The following SEMA6D variants were observed in gnomAD, a reference collection of about 807,000 sequenced individuals.
The protein encoded by SEMA6D is semaphorin 6D, also known as semaphorin-6D.
SEMA6D carries 35 observed loss-of-function variants against 106.6 expected under a neutral mutation model. The observed-to-expected ratio is 0.33, with a 90% CI of 0.25 to 0.44. SEMA6D has a LOEUF of 0.44. Among genes scored for constraint, SEMA6D ranks in the 20% least tolerant of loss-of-function variants. The pLI, the probability that SEMA6D is intolerant of heterozygous loss-of-function variation, is 1.00. For synonymous variants in SEMA6D, 499 were observed against 487.7 expected (o/e 1.02, Z -0.31); for missense variants, 1,185 against 1,345.9 (o/e 0.88, Z 1.87).
intron 1 of SEMA6D, among the ~76,000 whole-genome samples, chr15:47,276,731 A>C (rs950286103): frequency 6.6e-6 from 1 of 152,188 alleles, no homozygotes; most frequent in Non-Finnish European, 1.5e-5. Flanking sequence ...CTAACAAAAC[A>C]TTCATTCTGT....
chr15:47,321,229 G>A (rs1004083323), intron 1 of SEMA6D, among the ~76,000 whole-genome samples: 25 of 152,260 alleles, frequency 1.6e-4, no homozygotes, highest in Admixed American at 6.5e-4. Flanking sequence ...AGGGATTCCC[G>A]TCTGTGTGGT....
intron 1 of SEMA6D, among the ~76,000 whole-genome samples, chr15:47,719,163 G>T (rs1025974690): frequency 6.6e-6 from 1 of 151,916 alleles, no homozygotes; most frequent in South Asian, 2.1e-4. Context: ...GGGGGTGGGG[G>T]TGTGGAGGGG....
chr15:47,746,980 G>GTATATATA (rs752559574), intron 1 of SEMA6D, among the ~76,000 whole-genome samples: 9,282 of 116,262 alleles, frequency 0.08, 420 homozygotes, highest in Middle Eastern at 0.13. Context: ...CTGTGTGTGT[G>GTATATATA]TGTGTATATA....
chr15:47,562,046 T>C (rs2142708848), intron 3 of SEMA6D, among the ~76,000 whole-genome samples: 1 of 152,118 alleles, frequency 6.6e-6, no homozygotes, highest in East Asian at 1.9e-4. Context: ...GGTATATTAT[T>C]AATGTAAAGC....
At chr15:47,422,969 G>C (rs1849855818) in intron 2 of SEMA6D, among the ~76,000 whole-genome samples, 2 of 151,988 alleles carry the variant, frequency 1.3e-5, no homozygotes, top group South Asian at 4.1e-4. Flanking sequence ...AAAGGAAATT[G>C]GTAAGAGTGA....
intron 1 of SEMA6D, among the ~76,000 whole-genome samples, chr15:47,242,557 A>G (rs2032975509): frequency 6.6e-6 from 1 of 152,184 alleles, no homozygotes; most frequent in African/African-American, 2.4e-5. Flanking sequence ...GCATATGCAT[A>G]TGTATGAAAA....
intron 4 of SEMA6D, among the ~76,000 whole-genome samples, chr15:47,687,938 G>A (rs2078503938): frequency 6.6e-6 from 1 of 152,152 alleles, no homozygotes; most frequent in East Asian, 1.9e-4. Flanking sequence ...TTTAGGACAT[G>A]TAGAATTTTG....
At chr15:47,556,574 T>G (rs1758862561) in intron 3 of SEMA6D, among the ~76,000 whole-genome samples, 1 of 152,176 alleles carries the variant, frequency 6.6e-6, no homozygotes, top group Non-Finnish European at 1.5e-5. Flanking sequence ...TTCTATTTTT[T>G]TATTGTCCTG....
rs368648026 is a variant in SEMA6D at position 47,759,772 on chromosome 15, G to A, written c.-27G>A. 7.7e-5 allele frequency: 120 copies of A among 1,558,214 alleles called. No homozygotes were observed. Among genetic ancestry groups the A allele is most frequent in the African/African-American group, 7.6e-4 (56 of 73,768 alleles). On this transcript the variant is annotated 5_prime_UTR_variant, in exon 2 of 19. Coordinates refer to ENST00000536845, the MANE Select transcript of SEMA6D (RefSeq NM_001358351.3). The stretch of plus-strand genomic sequence containing the variant: ...AGCTCAGTGGCATTTCTGAGCAGGG[G>A]CCACCCTGACTTCACCTTGGCCCAC...
intron 4 of SEMA6D, among the ~76,000 whole-genome samples, chr15:47,692,323 A>C (rs904879698): frequency 3.3e-5 from 5 of 152,082 alleles, no homozygotes; most frequent in African/African-American, 4.8e-5. Context: ...TATTCCACAG[A>C]GGTTTCCTTC....
chr15:47,651,858 T>G (rs1165062468), intron 4 of SEMA6D, among the ~76,000 whole-genome samples: 2 of 152,212 alleles, frequency 1.3e-5, no homozygotes, highest in Non-Finnish European at 2.9e-5. Flanking sequence ...ACCTGTGTGA[T>G]CCTTCCTTCA....
At chr15:47,553,472 G>T (rs1455910069) in intron 3 of SEMA6D, among the ~76,000 whole-genome samples, 6 of 152,002 alleles carry the variant, frequency 3.9e-5, no homozygotes, top group Non-Finnish European at 8.8e-5. Context: ...TTTTCCTTTT[G>T]GCTGGCATAT....
At chr15:47,245,744 CT>C (rs1314007516) in intron 1 of SEMA6D, among the ~76,000 whole-genome samples, 5 of 152,024 alleles carry the variant, frequency 3.3e-5, no homozygotes, top group Non-Finnish European at 7.4e-5. Context: ...AATTTTGATC[CT>C]CTTGTTTTCA....
intron 3 of SEMA6D, among the ~76,000 whole-genome samples, chr15:47,529,965 A>G (rs1480140378): frequency 6.6e-6 from 1 of 152,176 alleles, no homozygotes; most frequent in Non-Finnish European, 1.5e-5. Context: ...CGCAGTCTGA[A>G]ATGCAGCTCC....
At chr15:47,347,570 G>A (rs2038098610) in intron 1 of SEMA6D, among the ~76,000 whole-genome samples, 1 of 140,480 alleles carries the variant, frequency 7.1e-6, no homozygotes, top group Non-Finnish European at 1.5e-5. Flanking sequence ...CAAAGTAATA[G>A]TGCTTTATTC....
intron 4 of SEMA6D, among the ~76,000 whole-genome samples, chr15:47,643,214 G>A (rs553215546): frequency 1.3e-5 from 2 of 152,354 alleles, no homozygotes; most frequent in African/African-American, 4.8e-5. Flanking sequence ...CATGCAGTAA[G>A]TGCAGAGGAC....
chr15:47,284,668 G>T (rs1390313351), intron 1 of SEMA6D, among the ~76,000 whole-genome samples: 2 of 152,142 alleles, frequency 1.3e-5, no homozygotes, highest in Admixed American at 1.3e-4. Context: ...TGTCTGCCAT[G>T]GCATTCTATT....
chr15:47,368,628 G>A (rs918018995), intron 1 of SEMA6D, among the ~76,000 whole-genome samples: 3 of 152,068 alleles, frequency 2.0e-5, no homozygotes, highest in African/African-American at 4.8e-5. Context: ...CCGCCACTAC[G>A]CCCGAAATTA....
At chr15:47,304,192 G>A (rs11636879) in intron 1 of SEMA6D, among the ~76,000 whole-genome samples, 63,547 of 151,894 alleles carry the variant, frequency 0.42, 16,242 homozygotes, top group Non-Finnish European at 0.56. Flanking sequence ...GCCGGGCACA[G>A]TGGCTCACAC....
Sources: gnomAD v4.1 joint callset for allele counts (sites outside exome capture counted in the v4.1 genomes callset) on GRCh38, gnomAD v4.1.1 for gene constraint, MANE v1.5 for transcripts, NCBI Gene and HGNC (gene_info 2026-07-23, HGNC 2026-07-21) for gene names.